OSBPL9: variants seen among roughly 807,000 people sequenced by gnomAD.
OSBPL9 encodes the protein oxysterol binding protein like 9, also known as oxysterol-binding protein-related protein 9.
In OSBPL9, 40 loss-of-function variants were observed where a neutral mutation model predicts 106.6. The ratio of observed to expected loss-of-function variants is 0.38; its 90% CI spans 0.29 to 0.49. The LOEUF is 0.49. Among genes scored for constraint, OSBPL9 ranks in the 20% least tolerant of loss-of-function variants. The probability of loss-of-function intolerance (pLI) is 0.97; values close to 1 mark genes in which losing one functional copy is unlikely to be tolerated. For missense variants in OSBPL9, 609 were observed against 887.2 expected, an observed-to-expected ratio of 0.69 and a Z score of 3.98; for synonymous variants, 269 against 295.4, an observed-to-expected ratio of 0.91 and a Z score of 0.92.
chr1:51,591,864 G>A (rs1645276942), intron 1 of OSBPL9, among the ~76,000 whole-genome samples: 1 of 151,968 alleles, frequency 6.6e-6, no homozygotes, highest in Non-Finnish European at 1.5e-5. Flanking sequence ...TATGAGTTTG[G>A]ATAGAACAAG....
chr1:51,670,905 G>A (rs1203023456), intron 3 of OSBPL9, among the ~76,000 whole-genome samples: 2 of 152,168 alleles, frequency 1.3e-5, no homozygotes, highest in Non-Finnish European at 2.9e-5. Context: ...CTGGGTGCAG[G>A]TAAGGCTGCA....
At chr1:51,617,390 G>A (rs913660753) in intron 1 of OSBPL9, among the ~76,000 whole-genome samples, 169 bp downstream of exon 1, 1 of 152,194 alleles carries the variant, frequency 6.6e-6, no homozygotes, top group African/African-American at 2.4e-5. Flanking sequence ...AGCCAATGAG[G>A]GTGAGGGAGA....
intron 1 of OSBPL9, among the ~76,000 whole-genome samples, chr1:51,585,668 C>T (rs1333655493): frequency 6.6e-6 from 1 of 151,900 alleles, no homozygotes; most frequent in East Asian, 1.9e-4. Context: ...CCCAGCTACT[C>T]AGGAGGCTGA....
the OSBPL9 span, among the ~76,000 whole-genome samples, chr1:51,541,893 T>TA: frequency 6.6e-6 from 1 of 152,110 alleles, no homozygotes; most frequent in African/African-American, 2.4e-5. Flanking sequence ...CAGCCTTTTT[T>TA]TTTTTATTTT....
At chr1:51,523,747 A>C in the OSBPL9 span, among the ~76,000 whole-genome samples, 1 of 152,168 alleles carries the variant, frequency 6.6e-6, no homozygotes, top group South Asian at 2.1e-4. Context: ...TTTGTCACCA[A>C]TCATCTTTCT....
intron 2 of OSBPL9, among the ~76,000 whole-genome samples, chr1:51,663,103 G>C (rs1302049510): frequency 6.6e-6 from 1 of 152,014 alleles, no homozygotes; most frequent in African/African-American, 2.4e-5. Context: ...TTTTTAAATG[G>C]AGAACATTTA....
intron 3 of OSBPL9, among the ~76,000 whole-genome samples, chr1:51,693,343 G>A (rs1327492645): frequency 6.6e-6 from 1 of 150,632 alleles, no homozygotes. Context: ...CTGCATTCCA[G>A]CCTGGGCAAC....
At chr1:51,787,621 C>G in intron 23 of OSBPL9, 94 bp from the exon 24 acceptor site, 5 of 1,591,458 alleles carry the variant, frequency 3.1e-6, no homozygotes, top group Non-Finnish European at 4.3e-6. Flanking sequence ...TCATTTCAGT[C>G]TAATGGCGGG....
At chr1:51,702,422 G>C (rs1458449652) in intron 3 of OSBPL9, among the ~76,000 whole-genome samples, 1 of 152,190 alleles carries the variant, frequency 6.6e-6, no homozygotes, top group Admixed American at 6.5e-5. Flanking sequence ...TTTTTCACGT[G>C]TCTGTTGGCT....
At position 51,761,854 on chromosome 1, in the gene OSBPL9, T is replaced by C; in HGVS notation, c.674-13T>C. The C allele has an allele frequency of 6.3e-7, 1 of 1,587,436 alleles. No homozygotes were observed. The highest frequency in any genetic ancestry group is 1.7e-5 in the Admixed American group (1 of 59,936). ...TGTTTCTGTACCTTATTTTATACGT[T>C]CAAATCTCCTAGAACCTGTTCAGTT... On this transcript the variant is annotated splice_polypyrimidine_tract_variant and intron_variant, in intron 10 of 23. Coordinates refer to ENST00000428468, the MANE Select transcript of OSBPL9 (RefSeq NM_024586.6).
intron 3 of OSBPL9, among the ~76,000 whole-genome samples, chr1:51,688,114 A>C (rs1205798976): frequency 6.6e-6 from 1 of 152,066 alleles, no homozygotes; most frequent in African/African-American, 2.4e-5. Flanking sequence ...AGCTTACAAA[A>C]CTTTTGAGGA....
At chr1:51,604,925 T>C (rs1280997789) in intron 2 of OSBPL9, among the ~76,000 whole-genome samples, 1 of 152,152 alleles carries the variant, frequency 6.6e-6, no homozygotes, top group Non-Finnish European at 1.5e-5. Flanking sequence ...GTGCTGGGAT[T>C]ACAGGCGTGA....
At chr1:51,685,069 A>G (rs536857239) in intron 3 of OSBPL9, among the ~76,000 whole-genome samples, 162 of 152,258 alleles carry the variant, frequency 1.1e-3, no homozygotes, top group African/African-American at 3.6e-3. Context: ...GCTTCTAGAA[A>G]ATACCAGTAC....
At chr1:51,603,646 T>C (rs557327646) in intron 2 of OSBPL9, among the ~76,000 whole-genome samples, 79 of 152,212 alleles carry the variant, frequency 5.2e-4, no homozygotes, top group Non-Finnish European at 9.8e-4. Context: ...GTAGTTGTAT[T>C]ATTCTGCGCC....
chr1:51,747,632 TA>T (rs1168639612), intron 6 of OSBPL9, among the ~76,000 whole-genome samples: 1 of 150,712 alleles, frequency 6.6e-6, no homozygotes, highest in Admixed American at 6.7e-5. Context: ...CTGTTAATAG[TA>T]ACTCATGTTA....
At chr1:51,521,466 A>G in the OSBPL9 span, among the ~76,000 whole-genome samples, 1 of 152,240 alleles carries the variant, frequency 6.6e-6, no homozygotes, top group African/African-American at 2.4e-5. Context: ...GAATATTAAG[A>G]ATCAGAGTGT....
chr1:51,730,268 C>CTT, intron 4 of OSBPL9: 2 of 771,084 alleles, frequency 2.6e-6, no homozygotes, highest in Non-Finnish European at 3.5e-6. Context: ...GAGGAGGTCT[C>CTT]TTTTTTTCTA....
At chr1:51,719,182 A>G (rs1370794372) in intron 4 of OSBPL9, among the ~76,000 whole-genome samples, 1 of 152,186 alleles carries the variant, frequency 6.6e-6, no homozygotes, top group Admixed American at 6.5e-5. Flanking sequence ...TGTAATTAGG[A>G]TAGACTGAAG....
intron 3 of OSBPL9, among the ~76,000 whole-genome samples, chr1:51,708,719 T>C (rs1013467130): frequency 6.6e-6 from 1 of 152,208 alleles, no homozygotes; most frequent in African/African-American, 2.4e-5. Context: ...TTTTTCTCCT[T>C]TCTTGTCAAT....
Sources: allele counts gnomAD v4.1 joint callset (sites outside exome capture counted in the v4.1 genomes callset), GRCh38; gene constraint gnomAD v4.1.1; transcripts MANE v1.5; gene names NCBI Gene and HGNC (gene_info 2026-07-23, HGNC 2026-07-21).